Variants in TMEM232 observed in about 807,000 individuals in gnomAD.
TMEM232 encodes the protein transmembrane protein 232.
In TMEM232, 80 loss-of-function variants were observed where a neutral mutation model predicts 78.8. The observed-to-expected ratio is 1.01, with a 90% CI of 0.85 to 1.22. The LOEUF (loss-of-function observed/expected upper bound fraction) is 1.22, where lower values mean the gene tolerates loss of function less well. TMEM232 is among the 50% of genes most tolerant of loss of function. TMEM232 has a pLI of 0.00. For missense variants in TMEM232, 881 were observed against 742.2 expected (o/e 1.19, Z -2.17); for synonymous variants, 297 against 254.3 (o/e 1.17, Z -1.60).
intron 12 of TMEM232, among the ~76,000 whole-genome samples, chr5:110,515,636 G>A (rs919765492): frequency 1.3e-5 from 2 of 152,086 alleles, no homozygotes; most frequent in African/African-American, 4.8e-5. Flanking sequence ...ACTTCTTTCT[G>A]CTAACGGTTG....
At chr5:110,645,070 G>T (rs765727540) in intron 2 of TMEM232, among the ~76,000 whole-genome samples, 2 of 151,326 alleles carry the variant, frequency 1.3e-5, no homozygotes, top group East Asian at 3.9e-4. Flanking sequence ...TAAAAAAAAA[G>T]ATTAGATTAG....
intron 10 of TMEM232, among the ~76,000 whole-genome samples, chr5:110,604,872 G>C (rs1431042879): frequency 6.6e-6 from 1 of 152,076 alleles, no homozygotes; most frequent in Non-Finnish European, 1.5e-5. Flanking sequence ...GCAGGAGAAA[G>C]GCTTGAAGCA....
chr5:110,689,991 T>C (rs1218168775), intron 1 of TMEM232, among the ~76,000 whole-genome samples: 1 of 152,192 alleles, frequency 6.6e-6, no homozygotes, highest in Non-Finnish European at 1.5e-5. Context: ...TAACTCAAGA[T>C]GGTTTAAAAA....
intron 2 of TMEM232, among the ~76,000 whole-genome samples, chr5:110,651,123 C>T (rs549689400): frequency 1.3e-5 from 2 of 152,186 alleles, no homozygotes; most frequent in East Asian, 1.9e-4. Context: ...CAAGAGGACA[C>T]AAAACGGAAG....
intron 1 of TMEM232, among the ~76,000 whole-genome samples, chr5:110,677,466 C>T (rs946454344): frequency 6.6e-6 from 1 of 151,982 alleles, no homozygotes; most frequent in Non-Finnish European, 1.5e-5. Flanking sequence ...TAATTTGTTT[C>T]GGTAGCAATA....
chr5:110,570,845 C>A (rs1251182548), intron 10 of TMEM232, among the ~76,000 whole-genome samples: 1 of 151,910 alleles, frequency 6.6e-6, no homozygotes, highest in African/African-American at 2.4e-5. Flanking sequence ...ATCGCATGGC[C>A]AGGCAATTAC....
intron 12 of TMEM232, among the ~76,000 whole-genome samples, chr5:110,431,640 TTAAA>T (rs3065620): frequency 6.6e-6 from 1 of 151,150 alleles, no homozygotes; most frequent in Admixed American, 6.6e-5. Context: ...ATAAGTATAT[TTAAA>T]TAAATAGCCA....
intron 9 of TMEM232, 61 bp downstream of exon 9, chr5:110,606,103 T>C (rs1781510561): frequency 2.7e-6 from 4 of 1,464,430 alleles, no homozygotes; most frequent in Non-Finnish European, 3.7e-6. Context: ...ATTTAAATAG[T>C]GGCAAAAATA....
chr5:110,519,021 A>G (rs1381257201), intron 12 of TMEM232, among the ~76,000 whole-genome samples: 1 of 152,180 alleles, frequency 6.6e-6, no homozygotes, highest in Non-Finnish European at 1.5e-5. Flanking sequence ...AATACACAAA[A>G]TAAGAATTGG....
At chr5:110,508,804 CTGAT>C (rs929610342) in intron 12 of TMEM232, among the ~76,000 whole-genome samples, 6 of 145,690 alleles carry the variant, frequency 4.1e-5, no homozygotes, top group East Asian at 2.0e-4. Flanking sequence ...ATTGGATAAA[CTGAT>C]TGAGGAAATA....
At chr5:110,729,591 G>C (rs138671912), upstream of TMEM232, among the ~76,000 whole-genome samples, 450 of 152,324 alleles carry the variant, frequency 3.0e-3, 1 homozygote, top group African/African-American at 0.011. Flanking sequence ...GTTGGAATAT[G>C]ACAGAAGTTT....
chr5:110,444,764 G>A (rs891448262), intron 12 of TMEM232, among the ~76,000 whole-genome samples: 3 of 152,152 alleles, frequency 2.0e-5, no homozygotes, highest in African/African-American at 7.2e-5. Context: ...ATTTAAATGT[G>A]TAAATTTGTA....
At chr5:110,693,500 T>G (rs1282230382) in intron 1 of TMEM232, among the ~76,000 whole-genome samples, 1 of 152,124 alleles carries the variant, frequency 6.6e-6, no homozygotes, top group East Asian at 1.9e-4. Context: ...AAGATCAAAC[T>G]ACTCTGAGCT....
At chr5:110,653,999 C>G (rs1347895630) in intron 2 of TMEM232, among the ~76,000 whole-genome samples, 2 of 151,706 alleles carry the variant, frequency 1.3e-5, no homozygotes, top group Non-Finnish European at 2.9e-5. Flanking sequence ...TTGATGAAGC[C>G]CAGAGTTAGG....
chr5:110,634,344 G>T (rs2149986347), intron 5 of TMEM232, among the ~76,000 whole-genome samples: 1 of 152,192 alleles, frequency 6.6e-6, no homozygotes, highest in Admixed American at 6.5e-5. Flanking sequence ...AGACCAAATG[G>T]ACATTAAAGA....
At chr5:110,500,651 C>A (rs1369499973) in intron 12 of TMEM232, among the ~76,000 whole-genome samples, 1 of 151,626 alleles carries the variant, frequency 6.6e-6, no homozygotes, top group East Asian at 1.9e-4. Flanking sequence ...TATATCCAAA[C>A]TAAATGGAAG....
intron 12 of TMEM232, among the ~76,000 whole-genome samples, chr5:110,449,742 T>A (rs1334247837): frequency 2.0e-5 from 3 of 152,170 alleles, no homozygotes; most frequent in Non-Finnish European, 4.4e-5. Context: ...CGGTTCTGTA[T>A]CAGATTGTGG....
At chr5:110,728,350 G>A (rs965944189), upstream of TMEM232, among the ~76,000 whole-genome samples, 9 of 151,744 alleles carry the variant, frequency 5.9e-5, no homozygotes, top group African/African-American at 2.2e-4. Flanking sequence ...ATTTATATAT[G>A]ATAAATTTGC....
intron 12 of TMEM232, among the ~76,000 whole-genome samples, chr5:110,432,551 C>T (rs1757974995): frequency 6.6e-6 from 1 of 151,622 alleles, no homozygotes; most frequent in African/African-American, 2.4e-5. Flanking sequence ...ACCCACGGTC[C>T]CTACAAAGCA....
Sources: gnomAD v4.1 joint callset for allele counts (sites outside exome capture counted in the v4.1 genomes callset) on GRCh38, gnomAD v4.1.1 for gene constraint, MANE v1.5 for transcripts, NCBI Gene and HGNC (gene_info 2026-07-23, HGNC 2026-07-21) for gene names.